The following LMBR1 variants were observed in gnomAD, a reference collection of about 807,000 sequenced individuals.
The protein encoded by LMBR1 is limb development membrane protein 1, also known as limb region 1 protein homolog.
In LMBR1, 52 loss-of-function variants were observed where a neutral mutation model predicts 73.9. That is an observed-to-expected ratio of 0.70 (90% CI 0.56 to 0.89). The LOEUF (loss-of-function observed/expected upper bound fraction) is 0.89. Ranked by LOEUF, LMBR1 falls within the 40% of genes least tolerant of loss-of-function variation. The probability of loss-of-function intolerance (pLI) is 0.00; values close to 1 mark genes in which losing one functional copy is unlikely to be tolerated. For missense variants in LMBR1, 539 were observed against 579.8 expected (o/e 0.93, Z 0.72); for synonymous variants, 215 against 209.4 (o/e 1.03, Z -0.23).
chr7:156,823,552 G>A (rs1163327059), intron 4 of LMBR1: 1 of 152,174 alleles, frequency 6.6e-6, no homozygotes, highest in Non-Finnish European at 1.5e-5. Context: ...TTTGGTGCCT[G>A]AGGAACAACT....
chr7:156,878,817 G>A (rs933026345), intron 1 of LMBR1, among the ~76,000 whole-genome samples: 6 of 152,076 alleles, frequency 3.9e-5, no homozygotes, highest in Admixed American at 1.3e-4. Context: ...CTATAAGGCC[G>A]TAGTCTCCGA....
At chr7:156,734,335 T>C in intron 9 of LMBR1, 78 bp from the exon 10 acceptor site, 2 of 843,210 alleles carry the variant, frequency 2.4e-6, no homozygotes, top group East Asian at 5.3e-5. Context: ...AATTAAAATC[T>C]AAAATAACAC....
downstream of LMBR1, chr7:156,675,765 G>A (rs199618037): frequency 5.0e-5 from 80 of 1,614,042 alleles, no homozygotes; most frequent in East Asian, 2.0e-4. Flanking sequence ...TGCAGAAATC[G>A]ATCAGTGCTT....
chr7:156,762,190 G>A lies in LMBR1; in HGVS notation c.628C>T (p.Pro210Ser). The A allele has an allele frequency of 6.2e-7, 1 of 1,608,618 alleles. No individual in the cohort carries two copies. Among genetic ancestry groups the A allele is most frequent in the Non-Finnish European group, 8.5e-7 (1 of 1,175,556 alleles). Residue 210 changes from proline (P) to serine (S), a missense_variant, in exon 8 of 17, where the codon CCA (proline) becomes TCA (serine). Physicochemically the swap from Pro to Ser is moderately conservative, Grantham distance 74. Around this residue, in one of 3 missense-constraint regions of LMBR1, gnomAD observed 454 missense variants for 473.4 expected, o/e 0.96. Coordinates refer to ENST00000353442, the MANE Select transcript of LMBR1 (RefSeq NM_022458.4). ...MGCLLLLLCT[P>S]VGLSRMFTVM... ...GTGAACATACGAGAAAGGCCAACTGGTGTACACACTGCAGAAATAAGATCA... is the reference window on the plus strand; with the variant it reads ...GTGAACATACGAGAAAGGCCAACTGATGTACACACTGCAGAAATAAGATCA...
intron 1 of LMBR1, among the ~76,000 whole-genome samples, chr7:156,845,057 A>G (rs1290129064): frequency 2.0e-5 from 3 of 152,186 alleles, no homozygotes; most frequent in African/African-American, 7.2e-5. Flanking sequence ...TAAAAGAGTG[A>G]TGAGTACAAA....
At chr7:156,779,878 T>C (rs1826815911) in intron 5 of LMBR1, 1 of 291,976 alleles carries the variant, frequency 3.4e-6, no homozygotes, top group Non-Finnish European at 7.3e-6. Flanking sequence ...AACATTAAAA[T>C]AAGGTTTGCT....
chr7:156,689,843 T>C (rs1585198009), intron 15 of LMBR1, among the ~76,000 whole-genome samples: 1 of 152,206 alleles, frequency 6.6e-6, no homozygotes, highest in African/African-American at 2.4e-5. Flanking sequence ...TATCTAATTA[T>C]AAGTTTTATT....
At chr7:156,860,951 T>C (rs908417442) in intron 1 of LMBR1, among the ~76,000 whole-genome samples, 2 of 152,216 alleles carry the variant, frequency 1.3e-5, no homozygotes, top group Non-Finnish European at 2.9e-5. Flanking sequence ...TAGCATTGAG[T>C]GTCTGCAGCT....
intron 10 of LMBR1, among the ~76,000 whole-genome samples, chr7:156,730,204 A>C (rs2132447531): frequency 6.6e-6 from 1 of 152,362 alleles, no homozygotes; most frequent in Middle Eastern, 3.4e-3. Context: ...AGGGCAAAGA[A>C]GTGAACCTGG....
At chr7:156,866,603 G>A (rs1798493768) in intron 1 of LMBR1, among the ~76,000 whole-genome samples, 2 of 147,436 alleles carry the variant, frequency 1.4e-5, no homozygotes, top group East Asian at 2.0e-4. Flanking sequence ...TTTTTTCTGG[G>A]GATTTTTTTT....
chr7:156,703,827 T>A (rs1189745339), intron 15 of LMBR1, among the ~76,000 whole-genome samples: 2 of 152,060 alleles, frequency 1.3e-5, no homozygotes, highest in African/African-American at 4.8e-5. Flanking sequence ...GAGTTTTCCA[T>A]TACCCAATCT....
At chr7:156,889,425 C>G (rs1243481154) in intron 1 of LMBR1, among the ~76,000 whole-genome samples, 1 of 152,082 alleles carries the variant, frequency 6.6e-6, no homozygotes, top group Non-Finnish European at 1.5e-5. Context: ...GTAGCAAAAT[C>G]AGAAAGAATT....
At chr7:156,885,177 A>AC (rs752578538) in intron 1 of LMBR1, among the ~76,000 whole-genome samples, 96 of 151,988 alleles carry the variant, frequency 6.3e-4, no homozygotes, top group Non-Finnish European at 1.1e-3. Flanking sequence ...ACATGGCAAA[A>AC]CCCCATCTCT....
intron 4 of LMBR1, among the ~76,000 whole-genome samples, chr7:156,808,876 T>C (rs1832613166): frequency 6.6e-6 from 1 of 152,076 alleles, no homozygotes; most frequent in Non-Finnish European, 1.5e-5. Context: ...TGCTGTCACT[T>C]AGAAAAAAAA....
chr7:156,728,136 A>T, intron 11 of LMBR1, 129 bp from the exon 12 acceptor site: 1 of 623,226 alleles, frequency 1.6e-6, no homozygotes, highest in Non-Finnish European at 2.8e-6. Flanking sequence ...TATATATAAA[A>T]CTAAAGTAAT....
chr7:156,845,749 A>G (rs1839478746), intron 1 of LMBR1, among the ~76,000 whole-genome samples: 1 of 152,062 alleles, frequency 6.6e-6, no homozygotes, highest in Non-Finnish European at 1.5e-5. Flanking sequence ...TCCTGGGCTC[A>G]AGTGATCCCC....
At chr7:156,757,219 C>T (rs1822062768) in intron 8 of LMBR1, among the ~76,000 whole-genome samples, 1 of 152,196 alleles carries the variant, frequency 6.6e-6, no homozygotes, top group South Asian at 2.1e-4. Flanking sequence ...GGAACAGACA[C>T]CCAGTCCAAC....
At chr7:156,753,272 G>A (rs771603134) in intron 9 of LMBR1, among the ~76,000 whole-genome samples, 2 of 151,948 alleles carry the variant, frequency 1.3e-5, no homozygotes, top group Non-Finnish European at 2.9e-5. Context: ...GAAACGAGGA[G>A]CAAAAATCCT....
Position 156,801,905 on chromosome 7 carries a change from T to C in LMBR1, c.320-5413A>G, listed in dbSNP as rs181926302. Among the ~76,000 whole-genome samples, 11 of 152,312 alleles carry C rather than the reference T, an allele frequency of 7.2e-5. 1 individual carries two copies. The highest frequency in any genetic ancestry group is 3.9e-4 in the Admixed American group (6 of 15,306). On this transcript the variant is annotated intron_variant, in intron 4 of 16. Transcript: ENST00000353442. ...GGACTTCAGGTTCAGAAACGTGCCCTTGTCCCAGAGCAAGAAAAACTTAAG... is the reference window on the plus strand; with the variant it reads ...GGACTTCAGGTTCAGAAACGTGCCCCTGTCCCAGAGCAAGAAAAACTTAAG...
Sources: allele counts gnomAD v4.1 joint callset (sites outside exome capture counted in the v4.1 genomes callset), GRCh38; gene constraint gnomAD v4.1.1; regional missense constraint gnomAD v4.1.1; transcripts MANE v1.5; gene names NCBI Gene and HGNC (gene_info 2026-07-23, HGNC 2026-07-21).